The following RBMS2 variants were observed in gnomAD, a reference collection of about 807,000 sequenced individuals.
The protein encoded by RBMS2 is RNA binding motif single stranded interacting protein 2, also known as RNA-binding motif, single-stranded-interacting protein 2.
In RBMS2, 38 loss-of-function variants were observed where a neutral mutation model predicts 58.4. The observed-to-expected ratio is 0.65, with a 90% CI of 0.50 to 0.85. The LOEUF (loss-of-function observed/expected upper bound fraction) is 0.85, where lower values mean the gene tolerates loss of function less well. RBMS2 is among the 40% of genes least tolerant of loss of function. The pLI, the probability that RBMS2 is intolerant of heterozygous loss-of-function variation, is 0.00. For missense variants in RBMS2, 367 were observed against 503.7 expected, an observed-to-expected ratio of 0.73 and a Z score of 2.60; for synonymous variants, 151 against 180.7, an observed-to-expected ratio of 0.84 and a Z score of 1.32.
chr12:56,543,511 CT>C lies in RBMS2; in HGVS notation c.67-18890del, dbSNP rs78482928. Among the ~76,000 whole-genome samples the C allele has an allele frequency of 1.5e-3, 202 of 134,536 alleles. 1 individual carries two copies. Among genetic ancestry groups the C allele is most frequent in the South Asian group, 9.1e-3 (37 of 4,066 alleles). 88.3% of individuals were successfully genotyped at this position (134,536 alleles called of 152,430 possible). ...AAAAAAAAAAAGTACTGAGAGTCAC[CT>C]TTTTTTTTTTTTTTTGAGATAGTCT... On this transcript the variant is annotated intron_variant, in intron 1 of 13. Transcript: ENST00000262031.
rs759574318 is a variant in RBMS2 at position 56,562,493 on chromosome 12, A to G, written c.143A>G (p.Asn48Ser). Residue 48 changes from asparagine (N) to serine (S), a missense_variant, in exon 2 of 14, where the codon AAT becomes AGT. This residue lies in a region of RBMS2 where 93 missense variants were observed against 132.2 expected (regional missense o/e 0.70). Transcript: ENST00000262031. ...ACACCTAACAGCAGTAGTGGAAGCAATGGAAATGACCAGCTGAGCAAAACC... is the reference window on the plus strand; with the variant it reads ...ACACCTAACAGCAGTAGTGGAAGCAGTGGAAATGACCAGCTGAGCAAAACC... ...NSTPNSSSGS[N>S]GNDQLSKTNL... 1.2e-6 allele frequency: 2 copies of G among 1,607,064 alleles called. No homozygotes were observed. Among genetic ancestry groups the G allele is most frequent in the African/African-American group, 2.7e-5 (2 of 74,810 alleles).
At chr12:56,572,288 C>CAAA (rs34385329) in intron 5 of RBMS2, among the ~76,000 whole-genome samples, 5 of 73,072 alleles carry the variant, frequency 6.8e-5, no homozygotes, top group Non-Finnish European at 1.2e-4. Flanking sequence ...GACTCTGTCT[C>CAAA]AAAAAAAAAA....
rs544266295 is a variant in RBMS2, at chr12:56,579,612, C to T, written c.543-1572C>T. ...TCGCGCCACTGCACTCCAGCCTGGG[C>T]GACAGAGCAAGACTCAGTCTCAAAA... On this transcript the variant is annotated intron_variant, in intron 5 of 13. Transcript: ENST00000262031. Among the ~76,000 whole-genome samples the T allele has an allele frequency of 3.5e-5, 5 of 143,438 alleles. No individual in the cohort carries two copies. The South Asian group carries it at 6.6e-4, about 19-fold the overall frequency. 94.1% of individuals were successfully genotyped at this position (143,438 alleles called of 152,430 possible). A position where few individuals can be genotyped will look rare whatever the true frequency, so the allele number is the denominator to read the frequency against.
At chr12:56,540,396 G>A (rs1875854023) in intron 1 of RBMS2, among the ~76,000 whole-genome samples, 1 of 151,986 alleles carries the variant, frequency 6.6e-6, no homozygotes, top group Non-Finnish European at 1.5e-5. Context: ...TATTGCAAAA[G>A]GGGATCTCAC....
At chr12:56,572,644 T>C in intron 5 of RBMS2, 1 of 280,244 alleles carries the variant, frequency 3.6e-6, no homozygotes, top group Non-Finnish European at 5.4e-6. Context: ...AGATAAATAT[T>C]CTCTATCTTA....
chr12:56,536,429 T>G (rs1354562644), intron 1 of RBMS2, among the ~76,000 whole-genome samples: 1 of 151,784 alleles, frequency 6.6e-6, no homozygotes, highest in African/African-American at 2.4e-5. Context: ...TGGCCTGAGC[T>G]TCTTGAAAGA....
chr12:56,583,060 A>G (rs1055000209), intron 9 of RBMS2, among the ~76,000 whole-genome samples: 4 of 152,156 alleles, frequency 2.6e-5, no homozygotes, highest in African/African-American at 9.7e-5. Context: ...TTCATGCTGC[A>G]GATATGCCAG....
intron 7 of RBMS2, 125 bp from the exon 8 acceptor site, chr12:56,581,708 C>A: frequency 1.6e-6 from 2 of 1,235,496 alleles, no homozygotes; most frequent in South Asian, 1.3e-5. Flanking sequence ...TCTGAAACAG[C>A]TGTAGTGGGA....
intron 5 of RBMS2, among the ~76,000 whole-genome samples, chr12:56,577,237 C>T (rs902947495): frequency 6.6e-6 from 1 of 151,518 alleles, no homozygotes; most frequent in African/African-American, 2.4e-5. Context: ...AACCCTGTCT[C>T]TACTAAAAGT....
At chr12:56,589,073 G>A in intron 13 of RBMS2, 55 bp downstream of exon 13, 2 of 1,612,906 alleles carry the variant, frequency 1.2e-6, no homozygotes, top group Non-Finnish European at 1.7e-6. Flanking sequence ...CAGCAGCTCA[G>A]CCCGGCCTGA....
intron 2 of RBMS2, among the ~76,000 whole-genome samples, chr12:56,568,539 C>CTT (rs1257717979): frequency 1.5e-5 from 2 of 136,086 alleles, no homozygotes; most frequent in East Asian, 2.2e-4. Context: ...TCTTTTTTTT[C>CTT]TTTTTTTTTT....
intron 1 of RBMS2, among the ~76,000 whole-genome samples, chr12:56,534,711 G>A (rs963968203): frequency 2.0e-5 from 3 of 151,984 alleles, no homozygotes; most frequent in African/African-American, 2.4e-5. Context: ...GCACGTTCTC[G>A]GCTCACTGCA....
Position 56,589,221 on chromosome 12 carries a change from A to C in RBMS2, c.*88A>C, listed in dbSNP as rs1885117034. 1.3e-6 allele frequency: 2 copies of C among 1,502,486 alleles called. No homozygotes were observed. The highest frequency in any genetic ancestry group is 2.8e-5 in the African/African-American group (2 of 71,990). The allele number at this position is 1,502,486 out of a possible 1,614,324, so 93.1% of individuals were successfully genotyped here. ...CCAGATTCCAGAGGGTTAACCAGGAATGGAGACCATCCGTCGGCCCTGCTA... is the reference window on the plus strand; with the variant it reads ...CCAGATTCCAGAGGGTTAACCAGGACTGGAGACCATCCGTCGGCCCTGCTA... On this transcript the variant is annotated 3_prime_UTR_variant, in exon 14 of 14. Transcript: ENST00000262031.
At position 56,582,165 on chromosome 12, in the gene RBMS2, C is replaced by G. The variant is rs1212188744; in HGVS notation, c.873+13C>G. 1 of 1,576,096 alleles carries G rather than the reference C, an allele frequency of 6.3e-7. No individual in the cohort carries two copies. Among genetic ancestry groups the G allele is most frequent in the East Asian group, 2.2e-5 (1 of 44,574 alleles). ...GTCTTCGTATCAGGTATGTTCATGC[C>G]TGAAAAATGGTGTGGTGGTTTTCCC... On this transcript the variant is annotated intron_variant, in intron 9 of 13. Transcript: ENST00000262031.
chr12:56,550,853 TA>T (rs1565745797), intron 1 of RBMS2, among the ~76,000 whole-genome samples: 1 of 142,556 alleles, frequency 7.0e-6, no homozygotes, highest in Admixed American at 7.0e-5. Context: ...AAAAAATAAA[TA>T]AATAAATAAA....
chr12:56,563,091 C>T (rs774104246), intron 2 of RBMS2, among the ~76,000 whole-genome samples: 1 of 152,094 alleles, frequency 6.6e-6, no homozygotes, highest in Non-Finnish European at 1.5e-5. Context: ...CCACTGCACT[C>T]CAGCCTGGGC....
chr12:56,521,740 C>T (rs1453200402), upstream of RBMS2, among the ~76,000 whole-genome samples: 1 of 151,132 alleles, frequency 6.6e-6, no homozygotes, highest in Non-Finnish European at 1.5e-5. Flanking sequence ...CAAAAAAAAA[C>T]ATCTTGGGCA....
At chr12:56,552,552 T>C (rs1455523683) in intron 1 of RBMS2, among the ~76,000 whole-genome samples, 1 of 152,028 alleles carries the variant, frequency 6.6e-6, no homozygotes, top group Non-Finnish European at 1.5e-5. Context: ...ATAACTGAGA[T>C]GGTAGATATA....
chr12:56,574,188 G>A (rs1335040156), intron 5 of RBMS2, among the ~76,000 whole-genome samples: 2 of 152,110 alleles, frequency 1.3e-5, no homozygotes, highest in Admixed American at 6.6e-5. Context: ...GTAACTTCAT[G>A]GTCCATACAG....
Sources: allele counts gnomAD v4.1 joint callset (sites outside exome capture counted in the v4.1 genomes callset), GRCh38; gene constraint gnomAD v4.1.1; regional missense constraint gnomAD v4.1.1; transcripts MANE v1.5; gene names NCBI Gene and HGNC (gene_info 2026-07-23, HGNC 2026-07-21).